Variants in KHDRBS1 observed in about 807,000 individuals in gnomAD.
KHDRBS1 encodes KH domain-containing, RNA-binding, signal transduction-associated protein 1.
Under a neutral mutation model 48.4 loss-of-function variants are expected in KHDRBS1, and 7 were observed. That is an observed-to-expected ratio of 0.14 (90% CI 0.08 to 0.27). KHDRBS1 has a LOEUF of 0.27. Ranked by LOEUF, KHDRBS1 falls within the 10% of genes least tolerant of loss-of-function variation. The probability of loss-of-function intolerance (pLI) is 1.00; values close to 1 mark genes in which losing one functional copy is unlikely to be tolerated. For missense variants in KHDRBS1, 458 were observed against 601.2 expected (o/e 0.76, Z 2.49); for synonymous variants, 241 against 235.8 (o/e 1.02, Z -0.20).
rs953556493 is a variant in KHDRBS1, at chr1:32,037,033, C to G, written c.895C>G (p.Pro299Ala). 2.5e-6 allele frequency: 4 copies of G among 1,613,264 alleles called. No individual in the cohort carries two copies. The African/African-American group carries it at 5.3e-5, about 22-fold the overall frequency. Residue 299 changes from proline to alanine, a missense_variant, in exon 5 of 9, where the codon CCT (proline) becomes GCT (alanine). By Grantham distance (27) the Pro-to-Ala change is conservative (BLOSUM62 -1). Around this residue, in one of 3 missense-constraint regions of KHDRBS1, gnomAD observed 171 missense variants for 228.7 expected, o/e 0.75. Transcript: ENST00000327300. The part of the protein sequence containing the change: ...RGRGAAPPPP[P>A]VPRGRGVGPP... Reference sequence around the variant, plus strand: ...CCGGGGAGCTGCACCTCCTCCACCACCTGTTCCCAGGTAAAAATAATGGAG... The same window carrying G: ...CCGGGGAGCTGCACCTCCTCCACCAGCTGTTCCCAGGTAAAAATAATGGAG...
intron 1 of KHDRBS1, among the ~76,000 whole-genome samples, chr1:32,025,104 C>G (rs748786031): frequency 5.3e-5 from 8 of 150,212 alleles, no homozygotes; most frequent in African/African-American, 1.5e-4. Flanking sequence ...CCCATCTCTA[C>G]AAATAAAAAA....
intron 10 of KHDRBS1, among the ~76,000 whole-genome samples, chr1:32,049,012 T>A (rs1363201626): frequency 3.3e-5 from 5 of 151,592 alleles, no homozygotes; most frequent in Non-Finnish European, 2.9e-5. Flanking sequence ...AATTATACAA[T>A]AAGTGGTCTT....
intron 4 of KHDRBS1, among the ~76,000 whole-genome samples, chr1:32,034,880 C>CT (rs770038272): frequency 9.2e-5 from 14 of 151,476 alleles, no homozygotes; most frequent in Non-Finnish European, 1.8e-4. Context: ...AATCGGGAGG[C>CT]TGGGGCAGGA....
intron 10 of KHDRBS1, among the ~76,000 whole-genome samples, chr1:32,058,316 C>A (rs977577738): frequency 2.0e-5 from 3 of 151,970 alleles, no homozygotes; most frequent in African/African-American, 7.3e-5. Flanking sequence ...AACTTCTGGC[C>A]TCAAGCAATC....
At chr1:32,042,325 C>G (rs1393746837) in intron 8 of KHDRBS1, among the ~76,000 whole-genome samples, 1 of 152,210 alleles carries the variant, frequency 6.6e-6, no homozygotes, top group Non-Finnish European at 1.5e-5. Flanking sequence ...TTGTTCCCTT[C>G]TGTCCTTCCA....
chr1:32,014,003 G>C lies in KHDRBS1; in HGVS notation c.8G>C (p.Arg3Pro). Residue 3 changes from arginine to proline, a missense_variant, in exon 1 of 9, where the codon CGC becomes CCC. Coordinates refer to ENST00000327300, the MANE Select transcript of KHDRBS1 (RefSeq NM_006559.3). Reference protein sequence around the residue: MQRRDDPAARMSR... With the variant: MQPRDDPAARMSR... ...GATCGCACATCCTCCCAGATGCAGCGCCGGGACGACCCCGCCGCGCGCATG... is the reference window on the plus strand; with the variant it reads ...GATCGCACATCCTCCCAGATGCAGCCCCGGGACGACCCCGCCGCGCGCATG... 1 of 1,521,104 alleles carries C rather than the reference G, an allele frequency of 6.6e-7. No individual in the cohort carries two copies. Among genetic ancestry groups the C allele is most frequent in the Non-Finnish European group, 8.7e-7 (1 of 1,145,814 alleles). The allele number at this position is 1,521,104 out of a possible 1,614,324, so 94.2% of individuals were successfully genotyped here. A position where few individuals can be genotyped will look rare whatever the true frequency, so the allele number is the denominator to read the frequency against.
intron 1 of KHDRBS1, among the ~76,000 whole-genome samples, chr1:32,021,460 GATAA>G (rs1286440909): frequency 6.6e-6 from 1 of 152,046 alleles, no homozygotes; most frequent in Non-Finnish European, 1.5e-5. Flanking sequence ...TAAGTAATTT[GATAA>G]ATAAAACAAA....
At chr1:32,053,604 C>T (rs545256183) in intron 10 of KHDRBS1, among the ~76,000 whole-genome samples, 2 of 152,266 alleles carry the variant, frequency 1.3e-5, no homozygotes, top group African/African-American at 2.4e-5. Context: ...AAGCCGGACT[C>T]AAACTCCTGG....
At chr1:32,025,816 T>C (rs922646045) in intron 1 of KHDRBS1, among the ~76,000 whole-genome samples, 12 of 147,902 alleles carry the variant, frequency 8.1e-5, no homozygotes, top group Non-Finnish European at 1.5e-4. Context: ...GTCATCATAG[T>C]TCACTGCAGC....
At chr1:32,060,355 G>A (rs1639529445) in exon 11 of KHDRBS1, 1 of 152,214 alleles carries the variant, frequency 6.6e-6, no homozygotes, top group South Asian at 2.1e-4. Flanking sequence ...GGAGTCCTCA[G>A]GGCTGCAGGG....
intron 2 of KHDRBS1, 29 bp from the exon 3 acceptor site, chr1:32,031,495 A>G (rs1402081489): frequency 3.7e-6 from 5 of 1,337,024 alleles, no homozygotes; most frequent in Non-Finnish European, 4.2e-6. Flanking sequence ...AGTAGCATGT[A>G]TATTTAGAAA....
chr1:32,014,220 C>T lies in KHDRBS1; in HGVS notation c.225C>T (p.Asp75=), dbSNP rs1638687388. ...PLLPPSATGP[D]ATVGGPAPTP... ...TGCCGCCCTCGGCCACGGGTCCCGA[C>T]GCGACAGTGGGCGGGCCAGCGCCGA... Residue 75 remains aspartate (D), a synonymous_variant, in exon 1 of 9, where the codon GAC becomes GAT. Transcript: ENST00000327300. 2.0e-6 allele frequency: 3 copies of T among 1,473,556 alleles called. No individual in the cohort carries two copies. The highest frequency in any genetic ancestry group is 1.4e-5 in the African/African-American group (1 of 68,968). The allele number at this position is 1,473,556 out of a possible 1,614,324, so 91.3% of individuals were successfully genotyped here. A position where few individuals can be genotyped will look rare whatever the true frequency, so the allele number is the denominator to read the frequency against.
Position 32,056,749 on chromosome 1 carries a change from G to A in KHDRBS1, n.1302-3414G>A, listed in dbSNP as rs16834856. Among the ~76,000 whole-genome samples the A allele has an allele frequency of 7.4e-3, 1,123 of 152,320 alleles. 14 individuals carry two copies. Among genetic ancestry groups the A allele is most frequent in the African/African-American group, 0.025 (1,060 of 41,570 alleles). On this transcript the variant is annotated intron_variant and non_coding_transcript_variant, in intron 10 of 10. Coordinates refer to the KHDRBS1 transcript ENST00000484270. The stretch of plus-strand genomic sequence containing the variant: ...GAGAAAGAGAAATATCTTATGCTCT[G>A]ATGTGATTCTTTCTAAGCTTCTCTC...
At chr1:32,038,748 C>A in intron 7 of KHDRBS1, 129 bp downstream of exon 7, 2 of 777,318 alleles carry the variant, frequency 2.6e-6, no homozygotes. Flanking sequence ...ATCTCCTCTG[C>A]AACCCCCACA....
At chr1:32,020,812 C>T (rs541765525) in intron 1 of KHDRBS1, among the ~76,000 whole-genome samples, 6 of 152,048 alleles carry the variant, frequency 3.9e-5, no homozygotes, top group Non-Finnish European at 8.8e-5. Context: ...TGAGGGAAAA[C>T]GGTGACTGGC....
intron 10 of KHDRBS1, among the ~76,000 whole-genome samples, chr1:32,059,473 A>G (rs1232156498): frequency 6.6e-6 from 1 of 151,930 alleles, no homozygotes; most frequent in Non-Finnish European, 1.5e-5. Context: ...CCAGGAGATC[A>G]AGGCTGAAGT....
intron 1 of KHDRBS1, among the ~76,000 whole-genome samples, chr1:32,022,803 T>G (rs1358832156): frequency 6.6e-5 from 10 of 152,018 alleles, no homozygotes; most frequent in African/African-American, 9.7e-5. Flanking sequence ...GACAGGAGAA[T>G]TGCTTGAACC....
rs1388927176 is a variant in KHDRBS1 at position 32,043,201 on chromosome 1, G to A, written c.*577G>A. On this transcript the variant is annotated 3_prime_UTR_variant, in exon 9 of 9. Transcript: ENST00000327300. ...TGTTTCCTTTATAAAAGCACATGGC[G>A]GTTGAATCTTAAGGTTAAATTTTAA... 1 of 152,378 alleles carries A rather than the reference G, an allele frequency of 6.6e-6. No homozygotes were observed. The highest frequency in any genetic ancestry group is 1.5e-5 in the Non-Finnish European group (1 of 68,000). The allele number at this position is 152,378 out of a possible 1,614,324, so 9.4% of individuals were successfully genotyped here.
intron 1 of KHDRBS1, among the ~76,000 whole-genome samples, chr1:32,026,688 C>T (rs1471492660): frequency 6.6e-6 from 1 of 152,170 alleles, no homozygotes; most frequent in Non-Finnish European, 1.5e-5. Context: ...CTTGCACTGA[C>T]CAAGGTTTCT....
Sources: allele counts gnomAD v4.1 joint callset (sites outside exome capture counted in the v4.1 genomes callset), GRCh38; gene constraint gnomAD v4.1.1; regional missense constraint gnomAD v4.1.1; transcripts MANE v1.5; gene names NCBI Gene and HGNC (gene_info 2026-07-23, HGNC 2026-07-21).